PODNL1: variants seen among roughly 807,000 people sequenced by gnomAD.
The protein encoded by PODNL1 is podocan-like protein 1.
A neutral mutation model predicts 45.1 loss-of-function variants in PODNL1; 50 were observed. The observed-to-expected ratio is 1.11, with a 90% CI of 0.88 to 1.40. The LOEUF (loss-of-function observed/expected upper bound fraction) is 1.40, where lower values mean the gene tolerates loss of function less well. Ranked by LOEUF, PODNL1 falls within the 40% of genes most tolerant of loss-of-function variation. PODNL1 has a pLI of 0.00. For missense variants in PODNL1, 788 were observed against 793.3 expected (o/e 0.99, Z 0.08); for synonymous variants, 406 against 372.5 (o/e 1.09, Z -1.04).
upstream of PODNL1, chr19:13,939,962 G>A (rs1972594693): frequency 6.6e-6 from 1 of 151,954 alleles, no homozygotes; most frequent in Admixed American, 6.6e-5. Flanking sequence ...GAACACTTGA[G>A]CCTCTGGGCT....
Position 13,932,849 on chromosome 19 carries a change from G to A in PODNL1, c.1374C>T (p.Leu458=), listed in dbSNP as rs758194307. 4 of 1,612,214 alleles carry A rather than the reference G, an allele frequency of 2.5e-6. No individual in the cohort carries two copies. Among genetic ancestry groups the A allele is most frequent in the Non-Finnish European group, 3.4e-6 (4 of 1,179,696 alleles). Reference sequence around the variant, plus strand: ...TGCCTGGCCCGATGTCGCCGACCCGGAGCCGGTTGTGCGCCAGGCTGAGCT... The same window carrying A: ...TGCCTGGCCCGATGTCGCCGACCCGAAGCCGGTTGTGCGCCAGGCTGAGCT... ...LRELSLAHNR[L]RVGDIGPGTW... Residue 458 remains leucine (L), a synonymous_variant, in exon 8 of 10, where the codon CTC becomes CTT. Transcript: ENST00000588872.
At position 13,933,573 on chromosome 19, in the gene PODNL1, G is replaced by T; in HGVS notation, c.768-118C>A. The T allele has an allele frequency of 1.7e-6, 2 of 1,154,602 alleles. No homozygotes were observed. Among genetic ancestry groups the T allele is most frequent in the Non-Finnish European group, 2.4e-6 (2 of 837,354 alleles). 71.5% of individuals were successfully genotyped at this position (1,154,602 alleles called of 1,614,324 possible). A position where few individuals can be genotyped will look rare whatever the true frequency, so the allele number is the denominator to read the frequency against. ...GATTTAAGCTGGAGATTTTGACTTG[G>T]GAGTGATGCGTGGAGAGAGCTGGGT... On this transcript the variant is annotated intron_variant, in intron 7 of 9. Coordinates refer to ENST00000588872, the MANE Select transcript of PODNL1 (RefSeq NM_001370095.3). The surrounding 1 kb of genome is among the most constrained non-coding windows in gnomAD (Gnocchi z 5.2).
In PODNL1 at chr19:13,944,930, C is replaced by G. The variant is rs1972767934; in HGVS notation, c.19-6924G>C. On this transcript the variant is annotated intron_variant, in intron 1 of 7. Coordinates refer to the PODNL1 transcript ENST00000538371. ...AGCTAAGACTACAGGTGTACACCAC[C>G]ATGCTTGGCTAATTTTTGTATTTTT... 3.3e-5 allele frequency among the ~76,000 whole-genome samples: 5 copies of G among 152,072 alleles called. No individual in the cohort carries two copies. In the South Asian group the frequency reaches 1.0e-3, roughly 32 times the overall value.
Position 13,937,850 on chromosome 19 carries a change from C to G in PODNL1, c.160G>C (p.Asp54His), listed in dbSNP as rs1479600072. 6 of 1,593,790 alleles carry G rather than the reference C, an allele frequency of 3.8e-6. No homozygotes were observed. In the African/African-American group the frequency reaches 6.7e-5, roughly 18 times the overall value. ...SCPRVDTVDC[D>H]GLDLRVFPDN... ...GGGAACACTCGAAGGTCCAAGCCATCACAGTCCACAGTGTCGACTCGGGGG... is the reference window on the plus strand; with the variant it reads ...GGGAACACTCGAAGGTCCAAGCCATGACAGTCCACAGTGTCGACTCGGGGG... The change falls in exon 2 of 10, where the codon GAT becomes CAT. Residue 54 changes from aspartate (D) to histidine (H), a missense_variant. By Grantham distance (81) the Asp-to-His change is moderately conservative. This residue lies in a region of PODNL1 where 762 missense variants were observed against 750.9 expected (regional missense o/e 1.01). Transcript: ENST00000588872.
chr19:13,947,594 T>A (rs1258202779), intron 1 of PODNL1, among the ~76,000 whole-genome samples: 2 of 152,008 alleles, frequency 1.3e-5, no homozygotes, highest in Non-Finnish European at 2.9e-5. Context: ...TCATCTGGTG[T>A]CAGAAGCGAA....
chr19:13,932,951 C>A lies in PODNL1; in HGVS notation c.1272G>T (p.Leu424=). 6.4e-7 allele frequency: 1 copy of A among 1,561,416 alleles called. No individual in the cohort carries two copies. Among genetic ancestry groups the A allele is most frequent in the Admixed American group, 1.9e-5 (1 of 53,200 alleles). Reference sequence around the variant, plus strand: ...GGTTGCGTTGCAGCTGCAGGGTGCGCAGGCCAGTGGGCAGGCCCATGGGCA... The same window carrying A: ...GGTTGCGTTGCAGCTGCAGGGTGCGAAGGCCAGTGGGCAGGCCCATGGGCA... ...TRLPMGLPTG[L]RTLQLQRNQL... Residue 424 remains leucine (L), a synonymous_variant, in exon 8 of 10, where the codon CTG becomes CTT. Transcript: ENST00000588872.
rs1342221319 is a variant in PODNL1, at chr19:13,932,913, A to C, written c.1310T>G (p.Leu437Arg). The C allele has an allele frequency of 4.4e-6, 7 of 1,582,840 alleles. No individual in the cohort carries two copies. The highest frequency in any genetic ancestry group is 1.7e-4 in the Middle Eastern group (1 of 6,032). ...CAGGCCGGCCAGAGGCTCGGGCTCG[A>C]GCATCCGCAGCTGGTTGCGTTGCAG... Reference protein sequence around the residue: ...LQLQRNQLRMLEPEPLAGLDQ... With the variant: ...LQLQRNQLRMREPEPLAGLDQ... Residue 437 changes from leucine to arginine, a missense_variant, in exon 8 of 10, where the codon CTC becomes CGC. Physicochemically the swap from Leu to Arg is moderately radical, Grantham distance 102. Around this residue, in one of 3 missense-constraint regions of PODNL1, gnomAD observed 762 missense variants for 750.9 expected, o/e 1.01. Transcript: ENST00000588872.
chr19:13,934,348 C>G lies in PODNL1; in HGVS notation c.557G>C (p.Gly186Ala). The change falls in exon 6 of 10, where the codon GGC becomes GCC. Residue 186 changes from glycine to alanine, a missense_variant. This residue lies in a region of PODNL1 where 762 missense variants were observed against 750.9 expected (regional missense o/e 1.01). Coordinates refer to ENST00000588872, the MANE Select transcript of PODNL1 (RefSeq NM_001370095.3). ...NAGLPPDAFR[G>A]SEAIATLSLS... Reference sequence around the variant, plus strand: ...GCTGAGGGTGGCGATGGCCTCGGAGCCGCGGAAGGCGTCGGGGGGCAGGCC... The same window carrying G: ...GCTGAGGGTGGCGATGGCCTCGGAGGCGCGGAAGGCGTCGGGGGGCAGGCC... 1 of 1,554,492 alleles carries G rather than the reference C, an allele frequency of 6.4e-7. No individual in the cohort carries two copies. Among genetic ancestry groups the G allele is most frequent in the Non-Finnish European group, 8.7e-7 (1 of 1,153,160 alleles).
chr19:13,934,374 A>T lies in PODNL1; in HGVS notation c.531T>A (p.Ala177=). 1 of 1,551,174 alleles carries T rather than the reference A, an allele frequency of 6.4e-7. No individual in the cohort carries two copies. The highest frequency in any genetic ancestry group is 8.7e-7 in the Non-Finnish European group (1 of 1,149,816). ...CGCGGAAGGCGTCGGGGGGCAGGCC[A>T]GCGTTGCTCAGCTGGTTGTTGTGGA... ...VYLHNNQLSN[A]GLPPDAFRGS... is the part of the protein sequence containing the mutation. The change falls in exon 6 of 10, where the codon GCT becomes GCA. Residue 177 remains alanine (A), a synonymous_variant. Transcript: ENST00000588872.
intron 1 of PODNL1, chr19:13,952,600 G>C: frequency 7.9e-7 from 1 of 1,266,672 alleles, no homozygotes; most frequent in Non-Finnish European, 1.0e-6. Context: ...GCGGGCAGCA[G>C]GGCGGCGGCG....
Position 13,933,358 on chromosome 19 carries a change from G to C in PODNL1, c.865C>G (p.Arg289Gly). The C allele has an allele frequency of 6.2e-7, 1 of 1,607,800 alleles. No individual in the cohort carries two copies. The highest frequency in any genetic ancestry group is 8.5e-7 in the Non-Finnish European group (1 of 1,179,142). Residue 289 changes from arginine (R) to glycine (G), a missense_variant, in exon 8 of 10, where the codon CGC becomes GGC. Physicochemically the swap from Arg to Gly is moderately radical, Grantham distance 125. Around this residue, in one of 3 missense-constraint regions of PODNL1, gnomAD observed 762 missense variants for 750.9 expected, o/e 1.01. Transcript: ENST00000588872. The surrounding 1 kb of genome is among the most constrained non-coding windows in gnomAD (Gnocchi z 5.2). Reference protein sequence around the residue: ...PRTLAILHLGRNRIRQVEAAR... With the variant: ...PRTLAILHLGGNRIRQVEAAR... ...GCCTCCACCTGCCGGATGCGGTTGC[G>C]GCCCAGGTGCAGGATAGCCAGGGTC...
At position 13,934,498 on chromosome 19, in the gene PODNL1, AGTGTGT is replaced by A. The variant is rs767618376; in HGVS notation, c.495-94_495-89del. ...CCACACCCTGCTCAGGGTCGCCTTCAGTGTGTGTGTGTGTGTGTGTGTGTGTGTGCG... is the reference window on the plus strand; with the variant it reads ...CCACACCCTGCTCAGGGTCGCCTTCAGTGTGTGTGTGTGTGTGTGTGTGCG... On this transcript the variant is annotated intron_variant, in intron 5 of 9. Coordinates refer to ENST00000588872, the MANE Select transcript of PODNL1 (RefSeq NM_001370095.3). The A allele has an allele frequency of 2.1e-3, 2,034 of 978,378 alleles. 1 individual carries two copies. The highest frequency in any genetic ancestry group is 2.5e-3 in the Non-Finnish European group (1,776 of 715,334). The allele number at this position is 978,378 out of a possible 1,614,324, so 60.6% of individuals were successfully genotyped here.
At chr19:13,938,931 C>T (rs1972554345), upstream of PODNL1, among the ~76,000 whole-genome samples, 1 of 152,184 alleles carries the variant, frequency 6.6e-6, no homozygotes, top group African/African-American at 2.4e-5. Context: ...CACCACCCCA[C>T]ACTCCCCCAC....
At chr19:13,943,860 A>T (rs1025158924) in intron 1 of PODNL1, among the ~76,000 whole-genome samples, 2 of 152,120 alleles carry the variant, frequency 1.3e-5, no homozygotes, top group Non-Finnish European at 2.9e-5. Flanking sequence ...ACTGAATTAC[A>T]TCGCAAAGAC....
chr19:13,932,057 G>T lies in PODNL1; in HGVS notation c.1481C>A (p.Ala494Asp). 7 of 1,232,646 alleles carry T rather than the reference G, an allele frequency of 5.7e-6. No individual in the cohort carries two copies. The South Asian group carries it at 2.9e-4, about 51-fold the overall frequency. 76.4% of individuals were successfully genotyped at this position (1,232,646 alleles called of 1,614,324 possible). Reference sequence around the variant, plus strand: ...GCCCTCGAGGTGCAGCTCCTCTAGGGCCTCAGGCAGGTCCGGGGGCACAAA... The same window carrying T: ...GCCCTCGAGGTGCAGCTCCTCTAGGTCCTCAGGCAGGTCCGGGGGCACAAA... The part of the protein sequence containing the change: ...LSFVPPDLPE[A>D]LEELHLEGNR... Residue 494 changes from alanine to aspartate, a missense_variant, in exon 9 of 10, where the codon GCC becomes GAC. Around this residue, in one of 3 missense-constraint regions of PODNL1, gnomAD observed 762 missense variants for 750.9 expected, o/e 1.01. Coordinates refer to ENST00000588872, the MANE Select transcript of PODNL1 (RefSeq NM_001370095.3).
At position 13,936,320 on chromosome 19, in the gene PODNL1, G is replaced by A. The variant is rs372851929; in HGVS notation, c.319+47C>T. ...GGAGGGGGATGGCAGCTGAGACCTC[G>A]GTCAGTCCTACAGCCCCAGAGAGGC... is the stretch of plus-strand genomic sequence containing the variant. On this transcript the variant is annotated intron_variant, in intron 3 of 9. Coordinates refer to ENST00000588872, the MANE Select transcript of PODNL1 (RefSeq NM_001370095.3). The A allele has an allele frequency of 1.5e-5, 23 of 1,528,038 alleles. 1 individual carries two copies. Among genetic ancestry groups the A allele is most frequent in the Middle Eastern group, 2.0e-4 (1 of 4,994 alleles). The allele number at this position is 1,528,038 out of a possible 1,614,324, so 94.7% of individuals were successfully genotyped here. A position where few individuals can be genotyped will look rare whatever the true frequency, so the allele number is the denominator to read the frequency against.
upstream of PODNL1, among the ~76,000 whole-genome samples, chr19:13,943,258 T>C (rs1972712086): frequency 6.6e-6 from 1 of 151,284 alleles, no homozygotes; most frequent in Non-Finnish European, 1.5e-5. Context: ...ATCGCGCCAT[T>C]GCACTCCAGC....
chr19:13,940,072 A>T (rs1413296149), upstream of PODNL1: 1 of 151,966 alleles, frequency 6.6e-6, no homozygotes, highest in Non-Finnish European at 1.5e-5. Flanking sequence ...TGGGGGGATG[A>T]CAAACCCCCC....
intron 1 of PODNL1, chr19:13,949,640 A>G (rs1474615604): frequency 6.6e-6 from 1 of 152,020 alleles, no homozygotes; most frequent in African/African-American, 2.4e-5. Flanking sequence ...TCTGCAAAGA[A>G]GGTACAGAGA....
Sources: allele counts gnomAD v4.1 joint callset (sites outside exome capture counted in the v4.1 genomes callset), GRCh38; gene constraint gnomAD v4.1.1; regional missense constraint gnomAD v4.1.1; non-coding constraint Gnocchi (gnomAD v3.1); transcripts MANE v1.5; gene names NCBI Gene and HGNC (gene_info 2026-07-23, HGNC 2026-07-21).